The following RERE variants were observed in gnomAD, a reference collection of about 807,000 sequenced individuals.
RERE encodes the protein arginine-glutamic acid dipeptide repeats protein.
Under a neutral mutation model 146.1 loss-of-function variants are expected in RERE, and 40 were observed. That is an observed-to-expected ratio of 0.27 (90% confidence interval 0.21 to 0.36). The LOEUF is 0.36. Ranked by LOEUF, RERE falls within the 10% of genes least tolerant of loss-of-function variation. The pLI, the probability that RERE is intolerant of heterozygous loss-of-function variation, is 1.00. For synonymous variants in RERE, 1,003 were observed against 866.0 expected (o/e 1.16, Z -2.78); for missense variants, 1,933 against 2,138.7 (o/e 0.90, Z 1.90).
At chr1:8,414,213 C>G (rs1570179850) in intron 12 of RERE, among the ~76,000 whole-genome samples, 1 of 152,000 alleles carries the variant, frequency 6.6e-6, no homozygotes, top group Non-Finnish European at 1.5e-5. Context: ...ACCAAAAGCT[C>G]CCCCAAAATC....
chr1:8,500,892 C>G (rs1645128357), intron 8 of RERE, among the ~76,000 whole-genome samples: 1 of 151,782 alleles, frequency 6.6e-6, no homozygotes, highest in South Asian at 2.1e-4. Context: ...AGCGCCTCTG[C>G]CTGGCCGCCC....
intron 1 of RERE, among the ~76,000 whole-genome samples, chr1:8,740,795 T>G (rs1640292093): frequency 6.6e-6 from 1 of 152,198 alleles, no homozygotes; most frequent in South Asian, 2.1e-4. Flanking sequence ...CCAGGGTCAA[T>G]AACATACATG....
At chr1:8,514,749 G>A (rs1400163243) in intron 7 of RERE, among the ~76,000 whole-genome samples, 3 of 151,160 alleles carry the variant, frequency 2.0e-5, no homozygotes, top group Non-Finnish European at 4.4e-5. Flanking sequence ...AGAAAGAAAA[G>A]AAAAGAAAGA....
intron 4 of RERE, among the ~76,000 whole-genome samples, chr1:8,575,021 C>G (rs1329551429): frequency 6.6e-6 from 1 of 152,162 alleles, no homozygotes; most frequent in African/African-American, 2.4e-5. Flanking sequence ...CACATTAACA[C>G]GTATGCACAT....
chr1:8,471,858 C>T (rs965303271), intron 10 of RERE, among the ~76,000 whole-genome samples: 1 of 152,164 alleles, frequency 6.6e-6, no homozygotes, highest in Non-Finnish European at 1.5e-5. Flanking sequence ...GTTGCCCAGG[C>T]TGGAGTGCAA....
chr1:8,782,633 C>T (rs977610339), intron 1 of RERE, among the ~76,000 whole-genome samples: 1 of 152,138 alleles, frequency 6.6e-6, no homozygotes, highest in Admixed American at 6.5e-5. Context: ...AGGCCAGGCG[C>T]GGTGGCTCAC....
chr1:8,392,861 C>T (rs1642930942), intron 12 of RERE, among the ~76,000 whole-genome samples: 2 of 152,094 alleles, frequency 1.3e-5, no homozygotes, highest in Admixed American at 6.5e-5. Context: ...CCAAAGCAAG[C>T]GATACAGAGT....
Position 8,388,006 on chromosome 1 carries a change from T to C in RERE, c.1285-22032A>G, listed in dbSNP as rs549324375. Among the ~76,000 whole-genome samples the C allele has an allele frequency of 2.6e-5, 4 of 152,296 alleles. No individual in the cohort carries two copies. In the South Asian group the frequency reaches 8.3e-4, roughly 32 times the overall value. ...AGCAAAACACTGGAACCAACTGAAATGTCCATCAACAGCAGAAAAGAGAAG... is the reference window on the plus strand; with the variant it reads ...AGCAAAACACTGGAACCAACTGAAACGTCCATCAACAGCAGAAAAGAGAAG... On this transcript the variant is annotated intron_variant, in intron 12 of 22. Transcript: ENST00000400908.
chr1:8,776,413 T>C (rs1641065066), intron 1 of RERE, among the ~76,000 whole-genome samples: 1 of 152,126 alleles, frequency 6.6e-6, no homozygotes, highest in African/African-American at 2.4e-5. Flanking sequence ...CTCTAGTGCC[T>C]CAGCCTTCCA....
chr1:8,557,302 A>T, intron 5 of RERE, 116 bp downstream of exon 5: 1 of 698,182 alleles, frequency 1.4e-6, no homozygotes, highest in Non-Finnish European at 2.5e-6. Context: ...CATAAGGCCT[A>T]CCAACACTCC....
intron 2 of RERE, among the ~76,000 whole-genome samples, chr1:8,637,978 A>C (rs901796682): frequency 6.6e-6 from 1 of 152,264 alleles, no homozygotes; most frequent in Non-Finnish European, 1.5e-5. Flanking sequence ...TTTGGAAAAC[A>C]TCAAGTCCAA....
At chr1:8,520,785 A>T (rs1463226045) in intron 7 of RERE, among the ~76,000 whole-genome samples, 1 of 147,294 alleles carries the variant, frequency 6.8e-6, no homozygotes, top group Non-Finnish European at 1.5e-5. Context: ...AACCACTATG[A>T]CCGAAACCCA....
At chr1:8,811,261 T>C (rs1229248557) in intron 1 of RERE, among the ~76,000 whole-genome samples, 4 of 152,130 alleles carry the variant, frequency 2.6e-5, no homozygotes, top group Non-Finnish European at 5.9e-5. Flanking sequence ...ACTGAGTGCC[T>C]TCATCACTGT....
chr1:8,561,023 T>C (rs568318492), intron 4 of RERE, among the ~76,000 whole-genome samples: 66 of 152,342 alleles, frequency 4.3e-4, no homozygotes, highest in South Asian at 2.3e-3. Flanking sequence ...ATTTGTACAA[T>C]GTCTATCTTT....
In RERE at chr1:8,745,640, A is replaced by C. The variant is rs966836574; in HGVS notation, c.-145+71520T>G. Among the ~76,000 whole-genome samples, 8 of 152,292 alleles carry C rather than the reference A, an allele frequency of 5.3e-5. No individual in the cohort carries two copies. The East Asian group carries it at 1.5e-3, about 29-fold the overall frequency. On this transcript the variant is annotated intron_variant, in intron 1 of 22. Coordinates refer to ENST00000400908, the MANE Select transcript of RERE (RefSeq NM_001042681.2). ...TTCCACGGTTCACTGAATGAAGTCT[A>C]AACTCCTTAATACTCTAATATACGG...
chr1:8,533,545 G>A (rs892749355), intron 7 of RERE, among the ~76,000 whole-genome samples: 4 of 152,164 alleles, frequency 2.6e-5, no homozygotes, highest in Admixed American at 6.5e-5. Flanking sequence ...CAGGTATCTT[G>A]AAGGGTTTAC....
chr1:8,630,097 T>C (rs936264139), intron 2 of RERE, among the ~76,000 whole-genome samples: 1 of 152,260 alleles, frequency 6.6e-6, no homozygotes, highest in African/African-American at 2.4e-5. Context: ...TATTGCAGAA[T>C]AAAAAATCCA....
chr1:8,602,320 G>A (rs375278151), intron 4 of RERE, among the ~76,000 whole-genome samples: 2 of 151,850 alleles, frequency 1.3e-5, no homozygotes, highest in Non-Finnish European at 1.5e-5. Context: ...GAACCTGGGA[G>A]GTGAACGCTG....
chr1:8,769,793 A>T (rs1232137563), intron 1 of RERE, among the ~76,000 whole-genome samples: 3 of 150,466 alleles, frequency 2.0e-5, no homozygotes, highest in African/African-American at 4.9e-5. Context: ...ATTTTTTTTT[A>T]TTTTTTATTT....
Sources: allele counts gnomAD v4.1 joint callset (sites outside exome capture counted in the v4.1 genomes callset), GRCh38; gene constraint gnomAD v4.1.1; transcripts MANE v1.5; gene names NCBI Gene and HGNC (gene_info 2026-07-23, HGNC 2026-07-21).